TBC1D19: variants seen among roughly 807,000 people sequenced by gnomAD.
TBC1D19 encodes the protein TBC1 domain family member 19.
TBC1D19 carries 60 observed loss-of-function variants against 89.0 expected under a neutral mutation model. The observed-to-expected ratio is 0.67, with a 90% confidence interval of 0.55 to 0.84. The LOEUF (loss-of-function observed/expected upper bound fraction) is 0.84. TBC1D19 is among the 40% of genes least tolerant of loss of function. The probability of loss-of-function intolerance (pLI) is 0.00; values close to 1 mark genes in which losing one functional copy is unlikely to be tolerated. For missense variants in TBC1D19, 500 were observed against 610.8 expected (o/e 0.82, Z 1.91); for synonymous variants, 189 against 199.7 (o/e 0.95, Z 0.45).
chr4:26,712,432 G>T (rs546938357), intron 13 of TBC1D19, among the ~76,000 whole-genome samples: 1 of 152,124 alleles, frequency 6.6e-6, no homozygotes, highest in East Asian at 1.9e-4. Flanking sequence ...CCAGCAGAGA[G>T]CATCATCACA....
downstream of TBC1D19, among the ~76,000 whole-genome samples, chr4:26,760,943 C>T (rs1719439671): frequency 6.6e-6 from 1 of 152,026 alleles, no homozygotes; most frequent in African/African-American, 2.4e-5. Flanking sequence ...TGTTTTTGCA[C>T]GTGGATATAA....
intron 4 of TBC1D19, among the ~76,000 whole-genome samples, chr4:26,632,697 A>T (rs1348235854): frequency 6.6e-6 from 1 of 152,068 alleles, no homozygotes; most frequent in African/African-American, 2.4e-5. Context: ...TTTTCTAAAA[A>T]TATTTCTATA....
intron 19 of TBC1D19, among the ~76,000 whole-genome samples, chr4:26,750,817 T>C (rs1206807082): frequency 4.6e-5 from 7 of 152,220 alleles, no homozygotes; most frequent in Non-Finnish European, 1.0e-4. Flanking sequence ...TGTAAATGTA[T>C]ACAAATTAGT....
rs568029829 is a variant in TBC1D19 at position 26,732,428 on chromosome 4, G to A, written c.1085-3027G>A. On this transcript the variant is annotated intron_variant, in intron 15 of 20. Transcript: ENST00000264866. ...CCTTATTACTATCTGACATGTATTC[G>A]CTTATTTTTATTATGATTGTTTTGT... is the stretch of plus-strand genomic sequence containing the variant. 2.8e-3 allele frequency among the ~76,000 whole-genome samples: 423 copies of A among 152,080 alleles called. 2 individuals carry two copies. Among genetic ancestry groups the A allele is most frequent in the Non-Finnish European group, 5.1e-3 (349 of 67,988 alleles).
intron 3 of TBC1D19, among the ~76,000 whole-genome samples, chr4:26,616,392 G>A (rs1741704428): frequency 6.6e-6 from 1 of 152,152 alleles, no homozygotes; most frequent in Non-Finnish European, 1.5e-5. Context: ...GAATGTTACA[G>A]TAATGGAACT....
At chr4:26,660,281 A>G (rs975133067) in intron 8 of TBC1D19, among the ~76,000 whole-genome samples, 9 of 152,184 alleles carry the variant, frequency 5.9e-5, no homozygotes, top group African/African-American at 2.2e-4. Context: ...GCGTAGAAAT[A>G]TAAATACTGT....
chr4:26,671,852 C>G (rs1200341603), intron 9 of TBC1D19, among the ~76,000 whole-genome samples: 1 of 151,574 alleles, frequency 6.6e-6, no homozygotes, highest in Admixed American at 6.6e-5. Flanking sequence ...TGATTAAATG[C>G]TCATAACTGT....
chr4:26,631,725 T>A (rs1326478990), intron 4 of TBC1D19, among the ~76,000 whole-genome samples: 1 of 152,120 alleles, frequency 6.6e-6, no homozygotes, highest in Non-Finnish European at 1.5e-5. Flanking sequence ...TGTGCTTTCA[T>A]GTGTTACTTT....
intron 7 of TBC1D19, among the ~76,000 whole-genome samples, chr4:26,652,576 C>T (rs891691058): frequency 2.6e-5 from 4 of 151,802 alleles, no homozygotes; most frequent in African/African-American, 9.7e-5. Flanking sequence ...GATTCAACTT[C>T]TTCCTGGTTT....
chr4:26,703,626 T>A (rs1457143586), intron 13 of TBC1D19, among the ~76,000 whole-genome samples: 1 of 152,120 alleles, frequency 6.6e-6, no homozygotes, highest in Non-Finnish European at 1.5e-5. Flanking sequence ...TACATACAGA[T>A]GAGAAAATAT....
the TBC1D19 span, among the ~76,000 whole-genome samples, chr4:26,764,726 G>T: frequency 6.6e-6 from 1 of 152,090 alleles, no homozygotes; most frequent in Non-Finnish European, 1.5e-5. Context: ...TAGAAAAGAA[G>T]AGAAATAAAA....
At chr4:26,838,683 G>C in the TBC1D19 span, among the ~76,000 whole-genome samples, 1 of 152,202 alleles carries the variant, frequency 6.6e-6, no homozygotes, top group Admixed American at 6.5e-5. Context: ...TGTCAGACTG[G>C]AGGAAGTCAA....
chr4:26,748,302 A>G, intron 18 of TBC1D19, 109 bp from the exon 19 acceptor site: 2 of 726,226 alleles, frequency 2.8e-6, no homozygotes, highest in East Asian at 5.1e-5. Flanking sequence ...TTAAATGCCC[A>G]GGTGATTTCT....
intron 13 of TBC1D19, among the ~76,000 whole-genome samples, chr4:26,706,865 C>G (rs574870347): frequency 3.3e-5 from 5 of 151,828 alleles, no homozygotes; most frequent in African/African-American, 9.7e-5. Flanking sequence ...CTGATTTCTA[C>G]CTCCATCTCT....
At chr4:26,831,738 A>C in the TBC1D19 span, among the ~76,000 whole-genome samples, 1 of 151,948 alleles carries the variant, frequency 6.6e-6, no homozygotes, top group Admixed American at 6.6e-5. Context: ...GCATAGGTGC[A>C]TGCCACCACG....
At chr4:26,701,611 T>C (rs1236341053) in intron 13 of TBC1D19, among the ~76,000 whole-genome samples, 4 of 152,190 alleles carry the variant, frequency 2.6e-5, no homozygotes, top group African/African-American at 9.6e-5. Flanking sequence ...TTAATGTTAG[T>C]AATTTGTAGG....
At chr4:26,648,332 T>C (rs766655770) in intron 7 of TBC1D19, among the ~76,000 whole-genome samples, 19 of 152,174 alleles carry the variant, frequency 1.2e-4, no homozygotes, top group Non-Finnish European at 2.4e-4. Context: ...ACATTTTCAA[T>C]AAACAATGTA....
intron 16 of TBC1D19, 37 bp from the exon 17 acceptor site, chr4:26,739,827 A>T (rs780902721): frequency 1.8e-6 from 2 of 1,098,834 alleles, no homozygotes; most frequent in Admixed American, 2.4e-5. Flanking sequence ...ACATTTCAGT[A>T]GTTCTGCAGT....
intron 3 of TBC1D19, among the ~76,000 whole-genome samples, chr4:26,616,795 C>T (rs1255409185): frequency 6.6e-6 from 1 of 152,092 alleles, no homozygotes; most frequent in Non-Finnish European, 1.5e-5. Flanking sequence ...TTAGCACTCT[C>T]CATTTCAGAT....
Sources: allele counts gnomAD v4.1 joint callset (sites outside exome capture counted in the v4.1 genomes callset), GRCh38; gene constraint gnomAD v4.1.1; transcripts MANE v1.5; gene names NCBI Gene and HGNC (gene_info 2026-07-23, HGNC 2026-07-21).